Variants in CLDN10 observed in about 807,000 individuals in gnomAD.
The protein encoded by CLDN10 is claudin 10.
Under a neutral mutation model 22.9 loss-of-function variants are expected in CLDN10, and 15 were observed. The observed-to-expected ratio is 0.65, with a 90% confidence interval of 0.44 to 1.01. The LOEUF (loss-of-function observed/expected upper bound fraction) is 1.01. Among genes scored for constraint, CLDN10 ranks in the 50% least tolerant of loss-of-function variants. The pLI is 0.00. For synonymous variants in CLDN10, 114 were observed against 111.4 expected (o/e 1.02, Z -0.15); for missense variants, 247 against 287.8 (o/e 0.86, Z 1.03).
intron 1 of CLDN10, among the ~76,000 whole-genome samples, chr13:95,448,136 G>C (rs2042398550): frequency 6.6e-6 from 1 of 151,844 alleles, no homozygotes; most frequent in Admixed American, 6.6e-5. Context: ...GCATACACCA[G>C]GCAGGTTCTA....
chr13:95,515,849 A>G (rs9524997), intron 1 of CLDN10, among the ~76,000 whole-genome samples: 128,453 of 152,082 alleles, frequency 0.84, 54,625 homozygotes, highest in East Asian at 0.96. Flanking sequence ...ACAGGCAGGT[A>G]GATCACTTGA....
chr13:95,514,614 G>T (rs1344607782), intron 1 of CLDN10, among the ~76,000 whole-genome samples: 1 of 152,168 alleles, frequency 6.6e-6, no homozygotes, highest in African/African-American at 2.4e-5. Context: ...GTAGCCTCAA[G>T]GGTCTTCTAG....
chr13:95,551,115 A>T (rs762379154), upstream of CLDN10, among the ~76,000 whole-genome samples: 9 of 152,080 alleles, frequency 5.9e-5, no homozygotes, highest in Non-Finnish European at 1.3e-4. Flanking sequence ...CACGAAAGCC[A>T]TGGGACCATT....
rs922815547 is a variant in CLDN10, at chr13:95,442,784, G to A, written c.214+8737G>A. On this transcript the variant is annotated intron_variant, in intron 1 of 4. Coordinates refer to the CLDN10 transcript ENST00000376873. Reference sequence around the variant, plus strand: ...CACATAGAGCTAACGATGCAAACTCGAGCACATTACTTAACTTCTCATAGA... The same window carrying A: ...CACATAGAGCTAACGATGCAAACTCAAGCACATTACTTAACTTCTCATAGA... 4.6e-5 allele frequency among the ~76,000 whole-genome samples: 7 copies of A among 152,152 alleles called. No individual in the cohort carries two copies. The East Asian group carries it at 9.6e-4, about 21-fold the overall frequency.
intron 1 of CLDN10, among the ~76,000 whole-genome samples, chr13:95,502,486 G>A (rs1566304596): frequency 6.6e-6 from 1 of 151,380 alleles, no homozygotes; most frequent in Admixed American, 6.6e-5. Context: ...CAGCTTGGGA[G>A]CATGTTTTTT....
At chr13:95,436,584 C>T (rs758811535) in intron 1 of CLDN10, among the ~76,000 whole-genome samples, 8 of 152,080 alleles carry the variant, frequency 5.3e-5, no homozygotes, top group Non-Finnish European at 1.2e-4. Context: ...AAAATCTCAC[C>T]CACTGACAAT....
intron 1 of CLDN10, among the ~76,000 whole-genome samples, chr13:95,435,175 A>T (rs2042256023): frequency 6.6e-6 from 1 of 152,212 alleles, no homozygotes; most frequent in Admixed American, 6.5e-5. Flanking sequence ...TCCTGTCATT[A>T]TGAGAATTAC....
At chr13:95,496,867 T>C (rs2042935132) in intron 1 of CLDN10, among the ~76,000 whole-genome samples, 1 of 152,174 alleles carries the variant, frequency 6.6e-6, no homozygotes, top group South Asian at 2.1e-4. Context: ...GTTTTCCTCA[T>C]TGCACCATCT....
intron 1 of CLDN10, among the ~76,000 whole-genome samples, chr13:95,503,368 A>G (rs1432482347): frequency 2.6e-5 from 4 of 152,238 alleles, no homozygotes; most frequent in African/African-American, 4.8e-5. Flanking sequence ...CAGGTACAAT[A>G]TTCAAAAGAA....
intron 1 of CLDN10, among the ~76,000 whole-genome samples, chr13:95,556,043 ATTTCT>A (rs1284129032): frequency 2.6e-5 from 4 of 151,452 alleles, no homozygotes; most frequent in African/African-American, 9.7e-5. Flanking sequence ...ATTATTCTGA[ATTTCT>A]TTTCTTTTTT....
intron 1 of CLDN10, among the ~76,000 whole-genome samples, chr13:95,537,835 G>A (rs114986654): frequency 0.015 from 2,282 of 152,282 alleles, 61 homozygotes; most frequent in African/African-American, 0.052. Context: ...GGGTAATTTG[G>A]ATTGGCTTCC....
chr13:95,573,834 T>C (rs2043891396), intron 3 of CLDN10, among the ~76,000 whole-genome samples: 1 of 151,970 alleles, frequency 6.6e-6, no homozygotes, highest in Non-Finnish European at 1.5e-5. Flanking sequence ...CATCAACTCG[T>C]CATTTACATT....
chr13:95,508,033 A>G (rs758462706), intron 1 of CLDN10, among the ~76,000 whole-genome samples: 8 of 152,266 alleles, frequency 5.3e-5, no homozygotes, highest in African/African-American at 1.9e-4. Context: ...GGCTGCAGTG[A>G]GCCATGATTG....
At chr13:95,453,604 A>G (rs1020798182) in intron 1 of CLDN10, among the ~76,000 whole-genome samples, 3 of 152,170 alleles carry the variant, frequency 2.0e-5, no homozygotes, top group Non-Finnish European at 4.4e-5. Context: ...GACTCACTTG[A>G]ACCCAGGAAG....
chr13:95,481,243 T>C (rs529778176), intron 1 of CLDN10, among the ~76,000 whole-genome samples: 1 of 152,304 alleles, frequency 6.6e-6, no homozygotes, highest in South Asian at 2.1e-4. Flanking sequence ...TTAAAACATT[T>C]ATGACTAACT....
intron 1 of CLDN10, among the ~76,000 whole-genome samples, chr13:95,503,742 A>C (rs988438586): frequency 3.9e-5 from 6 of 152,230 alleles, no homozygotes; most frequent in Non-Finnish European, 7.3e-5. Context: ...GTCAGTCACA[A>C]AGAAACAAAT....
intron 1 of CLDN10, among the ~76,000 whole-genome samples, chr13:95,557,135 A>G (rs781033812): frequency 2.6e-5 from 4 of 152,240 alleles, no homozygotes; most frequent in Non-Finnish European, 4.4e-5. Flanking sequence ...CATTTCTCCC[A>G]GGAGAACTAA....
intron 1 of CLDN10, among the ~76,000 whole-genome samples, chr13:95,517,526 C>T (rs908339459): frequency 6.6e-6 from 1 of 152,236 alleles, no homozygotes; most frequent in Non-Finnish European, 1.5e-5. Context: ...GATATGGATA[C>T]ACTTCCTATT....
chr13:95,571,382 G>A (rs2043858107), intron 3 of CLDN10, among the ~76,000 whole-genome samples: 1 of 152,174 alleles, frequency 6.6e-6, no homozygotes, highest in South Asian at 2.1e-4. Flanking sequence ...CCATATATAA[G>A]TAGACACTTA....
Sources: allele counts gnomAD v4.1 joint callset (sites outside exome capture counted in the v4.1 genomes callset), GRCh38; gene constraint gnomAD v4.1.1; transcripts MANE v1.5; gene names NCBI Gene and HGNC (gene_info 2026-07-23, HGNC 2026-07-21).